HAUS6: variants seen among roughly 807,000 people sequenced by gnomAD.
HAUS6 encodes the protein HAUS augmin like complex subunit 6, also known as HAUS augmin-like complex subunit 6.
Under a neutral mutation model 106.8 loss-of-function variants are expected in HAUS6, and 80 were observed. That is an observed-to-expected ratio of 0.75 (90% CI 0.63 to 0.90). HAUS6 has a LOEUF of 0.90. HAUS6 is among the 40% of genes least tolerant of loss of function. The pLI is 0.00. For missense variants in HAUS6, 1,155 were observed against 1,118.1 expected (o/e 1.03, Z -0.47); for synonymous variants, 356 against 379.1 (o/e 0.94, Z 0.71).
At chr9:19,076,844 A>G in intron 10 of HAUS6, 140 bp from the exon 11 acceptor site, 2 of 580,128 alleles carry the variant, frequency 3.4e-6, no homozygotes, top group East Asian at 3.0e-5. Flanking sequence ...AACTATTTTT[A>G]TTTATTTATT....
intron 2 of HAUS6, among the ~76,000 whole-genome samples, chr9:19,096,282 A>C (rs1817859106): frequency 6.6e-6 from 1 of 152,196 alleles, no homozygotes; most frequent in African/African-American, 2.4e-5. Context: ...ATTCTGGCTT[A>C]TGCCGGGCGT....
chr9:19,055,994 C>A lies in HAUS6; in HGVS notation c.*349G>T. On this transcript the variant is annotated 3_prime_UTR_variant, in exon 17 of 17. Coordinates refer to ENST00000380502, the MANE Select transcript of HAUS6 (RefSeq NM_017645.5). ...TAGTGAACATACAACAAAAACTATC[C>A]TTATATTAATTGACTGAAGTTATAA... The A allele has an allele frequency of 5.0e-6, 1 of 201,208 alleles. No homozygotes were observed. Among genetic ancestry groups the A allele is most frequent in the African/African-American group, 2.3e-5 (1 of 43,456 alleles). 12.5% of individuals were successfully genotyped at this position (201,208 alleles called of 1,614,324 possible). A position where few individuals can be genotyped will look rare whatever the true frequency, so the allele number is the denominator to read the frequency against.
At position 19,060,175 on chromosome 9, in the gene HAUS6, C is replaced by A. The variant is rs765822489; in HGVS notation, c.1678G>T (p.Glu560Ter). 1.3e-6 allele frequency: 2 copies of A among 1,594,652 alleles called. No individual in the cohort carries two copies. The highest frequency in any genetic ancestry group is 1.4e-5 in the African/African-American group (1 of 73,924). The change falls in exon 15 of 17, where the codon GAA (glutamate) becomes TAA (stop). Residue 560 changes from glutamate to a stop codon, truncating the protein, a stop_gained. Coordinates refer to ENST00000380502, the MANE Select transcript of HAUS6 (RefSeq NM_017645.5). LOFTEE classifies it high-confidence loss of function. ...TCAATTAGTTCCTCTAATTTTATTT[C>A]TTTTCCTTCAGAGAGCTGTGGTGAA... ...SDSPQLSEGK[E>*]IKLEELIDSL...
In HAUS6 at chr9:19,096,684, C is replaced by A; in HGVS notation, c.214G>T (p.Glu72Ter). Residue 72 changes from glutamate to a stop codon, truncating the protein, a stop_gained, in exon 2 of 17, where the codon GAA (glutamate) becomes TAA (stop). Coordinates refer to ENST00000380502, the MANE Select transcript of HAUS6 (RefSeq NM_017645.5). LOFTEE classifies it high-confidence loss of function. ...FQVLDQSLTK[E>*]VFKFCWPPFD... Reference sequence around the variant, plus strand: ...ATTATTTTTCCTTACTTGAAAACTTCTTTGGTGAGAGACTGGTCCAGAACT... The same window carrying A: ...ATTATTTTTCCTTACTTGAAAACTTATTTGGTGAGAGACTGGTCCAGAACT... 3 of 1,428,612 alleles carry A rather than the reference C, an allele frequency of 2.1e-6. No individual in the cohort carries two copies. The highest frequency in any genetic ancestry group is 2.9e-6 in the Non-Finnish European group (3 of 1,045,842). 88.5% of individuals were successfully genotyped at this position (1,428,612 alleles called of 1,614,324 possible). A position where few individuals can be genotyped will look rare whatever the true frequency, so the allele number is the denominator to read the frequency against.
Position 19,091,793 on chromosome 9 carries a change from C to G in HAUS6, c.436+1378G>C, listed in dbSNP as rs1311891555. On this transcript the variant is annotated intron_variant, in intron 4 of 16. Transcript: ENST00000380502. The stretch of plus-strand genomic sequence containing the variant: ...TCTCGTGCCTCAGCCTCCCAAGTAG[C>G]TGGGATTACAGGTGCCCACCACCAT... Among the ~76,000 whole-genome samples the G allele has an allele frequency of 6.6e-5, 10 of 152,256 alleles. No individual in the cohort carries two copies. In the East Asian group the frequency reaches 7.7e-4, roughly 12 times the overall value.
intron 1 of HAUS6, among the ~76,000 whole-genome samples, chr9:19,099,770 CA>C (rs1420411876): frequency 5.3e-5 from 8 of 152,188 alleles, no homozygotes; most frequent in African/African-American, 1.7e-4. Context: ...GTAACTTTGG[CA>C]GGGTGCAGTG....
At chr9:19,079,772 G>A (rs1043330680) in intron 9 of HAUS6, among the ~76,000 whole-genome samples, 12 of 149,560 alleles carry the variant, frequency 8.0e-5, no homozygotes, top group African/African-American at 2.2e-4. Flanking sequence ...GCGTGATGGC[G>A]CGTGCCTGTA....
At chr9:19,064,467 C>A (rs1337990043) in intron 12 of HAUS6, among the ~76,000 whole-genome samples, 1 of 152,156 alleles carries the variant, frequency 6.6e-6, no homozygotes, top group Non-Finnish European at 1.5e-5. Context: ...ATTTATGCAG[C>A]TTTTCATGCT....
intron 1 of HAUS6, among the ~76,000 whole-genome samples, chr9:19,100,992 T>G (rs998385584): frequency 6.6e-6 from 1 of 152,092 alleles, no homozygotes; most frequent in African/African-American, 2.4e-5. Context: ...AATATACAGT[T>G]AGATAGAAGG....
At chr9:19,077,445 G>A (rs1394326259) in intron 10 of HAUS6, among the ~76,000 whole-genome samples, 1 of 151,528 alleles carries the variant, frequency 6.6e-6, no homozygotes, top group African/African-American at 2.4e-5. Flanking sequence ...CGAGGCAGTA[G>A]AACCACTTGA....
intron 2 of HAUS6, among the ~76,000 whole-genome samples, chr9:19,095,403 T>C (rs1046942339): frequency 6.6e-6 from 1 of 151,986 alleles, no homozygotes; most frequent in Non-Finnish European, 1.5e-5. Context: ...AAGGCTAGAA[T>C]GTCAACAGTG....
chr9:19,065,661 T>A (rs1319914426), intron 12 of HAUS6, among the ~76,000 whole-genome samples: 1 of 152,022 alleles, frequency 6.6e-6, no homozygotes, highest in Non-Finnish European at 1.5e-5. Flanking sequence ...GCCAACATGA[T>A]GAAACCCCAT....
intron 14 of HAUS6, among the ~76,000 whole-genome samples, chr9:19,060,763 G>C (rs1403231416): frequency 1.3e-5 from 2 of 152,112 alleles, no homozygotes; most frequent in Admixed American, 6.6e-5. Context: ...TATCAAAATA[G>C]TGCTCTCTAT....
intron 1 of HAUS6, among the ~76,000 whole-genome samples, chr9:19,101,746 C>A (rs1334211232): frequency 6.6e-6 from 1 of 152,160 alleles, no homozygotes; most frequent in Non-Finnish European, 1.5e-5. Flanking sequence ...ATGGTGAAAC[C>A]CCGTCTCTAC....
chr9:19,069,759 T>C (rs1053217343), intron 12 of HAUS6, among the ~76,000 whole-genome samples: 2 of 151,468 alleles, frequency 1.3e-5, no homozygotes, highest in African/African-American at 4.9e-5. Context: ...TGGAAACTGG[T>C]TTAAGATGGG....
rs1324621378 is a variant in HAUS6 at position 19,058,413 on chromosome 9, C to A, written c.2354G>T (p.Gly785Val). Residue 785 changes from glycine (G) to valine (V), a missense_variant, in exon 16 of 17, where the codon GGT (glycine) becomes GTT (valine). By Grantham distance (109) the Gly-to-Val change is moderately radical. Coordinates refer to ENST00000380502, the MANE Select transcript of HAUS6 (RefSeq NM_017645.5). The stretch of plus-strand genomic sequence containing the variant: ...ACTGGAACTATTAAAACTTAGATGA[C>A]CAACTTCTTCCGGGAGAGTTTCGTG... Reference protein sequence around the residue: ...ILHETLPEEVGHLSFNSSSSS... With the variant: ...ILHETLPEEVVHLSFNSSSSS... The A allele has an allele frequency of 6.2e-7, 1 of 1,613,030 alleles. No individual in the cohort carries two copies. The highest frequency in any genetic ancestry group is 2.2e-5 in the East Asian group (1 of 44,876).
intron 7 of HAUS6, among the ~76,000 whole-genome samples, chr9:19,086,482 T>G (rs1211833970): frequency 1.3e-5 from 2 of 152,026 alleles, no homozygotes; most frequent in African/African-American, 4.8e-5. Flanking sequence ...TAGCCAGGCG[T>G]GGTGGCGCAT....
intron 12 of HAUS6, among the ~76,000 whole-genome samples, chr9:19,064,181 G>A (rs1308528183): frequency 2.6e-5 from 4 of 152,010 alleles, no homozygotes; most frequent in African/African-American, 9.7e-5. Flanking sequence ...GAGTCAGGCT[G>A]GTCTCAAACT....
intron 11 of HAUS6, among the ~76,000 whole-genome samples, chr9:19,073,550 G>A (rs931735867): frequency 6.6e-6 from 1 of 150,928 alleles, no homozygotes; most frequent in African/African-American, 2.4e-5. Flanking sequence ...ATTCGAAGGG[G>A]TAAACTAATC....
Sources: gnomAD v4.1 joint callset for allele counts (sites outside exome capture counted in the v4.1 genomes callset) on GRCh38, gnomAD v4.1.1 for gene constraint, MANE v1.5 for transcripts, NCBI Gene and HGNC (gene_info 2026-07-23, HGNC 2026-07-21) for gene names.